RIMKLA: variants seen among roughly 807,000 people sequenced by gnomAD.
The protein encoded by RIMKLA is N-acetylaspartylglutamate synthase A.
A neutral mutation model predicts 32.7 loss-of-function variants in RIMKLA; 14 were observed. That is an observed-to-expected ratio of 0.43 (90% CI 0.28 to 0.67). The LOEUF is 0.67. RIMKLA is among the 30% of genes least tolerant of loss of function. RIMKLA has a pLI of 0.18. For missense variants in RIMKLA, 410 were observed against 519.0 expected (o/e 0.79, Z 2.04); for synonymous variants, 176 against 204.1 (o/e 0.86, Z 1.18).
At chr1:42,391,852 G>A (rs1353467962) in intron 1 of RIMKLA, among the ~76,000 whole-genome samples, 3 of 152,110 alleles carry the variant, frequency 2.0e-5, no homozygotes, top group Non-Finnish European at 2.9e-5. Flanking sequence ...AGGTTCTGGG[G>A]CCCTTCCATT....
At chr1:42,394,558 T>G (rs986802993) in intron 1 of RIMKLA, among the ~76,000 whole-genome samples, 2 of 152,238 alleles carry the variant, frequency 1.3e-5, no homozygotes, top group African/African-American at 2.4e-5. Flanking sequence ...AATTCAAATC[T>G]GAACTACAAG....
At chr1:42,396,616 CTGTT>C (rs1387466761) in intron 1 of RIMKLA, 4 of 152,152 alleles carry the variant, frequency 2.6e-5, no homozygotes, top group Admixed American at 6.5e-5. Flanking sequence ...AGAAGTTTAA[CTGTT>C]TGTCTGTGGT....
Position 42,409,593 on chromosome 1 carries a change from G to C in RIMKLA, c.482-391G>C, listed in dbSNP as rs139156061. Among the ~76,000 whole-genome samples, 1,421 of 152,334 alleles carry C rather than the reference G, an allele frequency of 9.3e-3. 24 individuals carry two copies. The highest frequency in any genetic ancestry group is 0.033 in the African/African-American group (1,366 of 41,570). Reference sequence around the variant, plus strand: ...GTGCATCCAGCCCAGTGTTAGGTCTGAAGAATTTTTTTAAAATGAGTTAGA... The same window carrying C: ...GTGCATCCAGCCCAGTGTTAGGTCTCAAGAATTTTTTTAAAATGAGTTAGA... On this transcript the variant is annotated intron_variant, in intron 3 of 4. Transcript: ENST00000431473.
At chr1:42,398,541 T>C (rs1643066773) in intron 1 of RIMKLA, among the ~76,000 whole-genome samples, 1 of 152,216 alleles carries the variant, frequency 6.6e-6, no homozygotes, top group South Asian at 2.1e-4. Flanking sequence ...GTTAAAATGT[T>C]GGTATATTTC....
chr1:42,411,453 T>C (rs1472287954), intron 4 of RIMKLA, among the ~76,000 whole-genome samples: 1 of 139,644 alleles, frequency 7.2e-6, no homozygotes, highest in African/African-American at 2.6e-5. Context: ...TCTCATTTTC[T>C]TTTTTTTTCT....
chr1:42,396,672 C>T (rs147638120), intron 1 of RIMKLA, among the ~76,000 whole-genome samples: 49 of 152,216 alleles, frequency 3.2e-4, no homozygotes, highest in South Asian at 1.5e-3. Flanking sequence ...TGCTGCTTCT[C>T]GTTTCTCTAG....
At position 42,416,089 on chromosome 1, in the gene RIMKLA, G is replaced by GT. The variant is rs972538264; in HGVS notation, c.*1115_*1116insT. 1 of 58,770 alleles carries GT rather than the reference G, an allele frequency of 1.7e-5. No homozygotes were observed. The highest frequency in any genetic ancestry group is 7.8e-5 in the African/African-American group (1 of 12,820). 3.6% of individuals were successfully genotyped at this position (58,770 alleles called of 1,614,324 possible). On this transcript the variant is annotated 3_prime_UTR_variant, in exon 5 of 5. Coordinates refer to ENST00000431473, the MANE Select transcript of RIMKLA (RefSeq NM_173642.4). Reference sequence around the variant, plus strand: ...GGAATTACCCATTGCACATTTTGCGGGGGGGGGGGCTAATGTAGACATGAC... The same window carrying GT: ...GGAATTACCCATTGCACATTTTGCGGTGGGGGGGGGCTAATGTAGACATGAC...
intron 2 of RIMKLA, among the ~76,000 whole-genome samples, chr1:42,404,193 C>T (rs1344245798): frequency 6.6e-6 from 1 of 152,168 alleles, no homozygotes; most frequent in Non-Finnish European, 1.5e-5. Flanking sequence ...GAGCTTACAC[C>T]AGGGGGCAGA....
chr1:42,384,585 GTGTATATA>G (rs1409058758), intron 1 of RIMKLA, among the ~76,000 whole-genome samples: 21 of 141,314 alleles, frequency 1.5e-4, no homozygotes, highest in African/African-American at 5.1e-4. Flanking sequence ...GTATATATGT[GTGTATATA>G]TGTATATATG....
rs1235968966 is a variant in RIMKLA, at chr1:42,414,721, C to G, written c.923C>G (p.Thr308Ser). 6.2e-7 allele frequency: 1 copy of G among 1,614,068 alleles called. No individual in the cohort carries two copies. Among genetic ancestry groups the G allele is most frequent in the African/African-American group, 1.3e-5 (1 of 74,914 alleles). The change falls in exon 5 of 5, where the codon ACT becomes AGT. Residue 308 changes from threonine (T) to serine (S), a missense_variant. Coordinates refer to ENST00000431473, the MANE Select transcript of RIMKLA (RefSeq NM_173642.4). ...ATGTCCTTGCTGCCAAATAGGCAGA[C>G]TGGAAAGATGGCTGTCCTCCCAGGA... ...YTMSLLPNRQTGKMAVLPGLS... is the reference protein window; with the variant it reads ...YTMSLLPNRQSGKMAVLPGLS...
At chr1:42,382,068 G>T (rs1642894084) in intron 1 of RIMKLA, among the ~76,000 whole-genome samples, 1 of 152,166 alleles carries the variant, frequency 6.6e-6, no homozygotes, top group East Asian at 1.9e-4. Flanking sequence ...TTTGGCAGGG[G>T]AAGGAATTTC....
At position 42,419,461 on chromosome 1, in the gene RIMKLA, TCTTA is replaced by T. The variant is rs763277495; in HGVS notation, c.*4492_*4495del. The T allele has an allele frequency of 6.6e-5, 10 of 152,340 alleles. No homozygotes were observed. In the East Asian group the frequency reaches 1.5e-3, roughly 24 times the overall value. The allele number at this position is 152,340 out of a possible 1,614,324, so 9.4% of individuals were successfully genotyped here. A position where few individuals can be genotyped will look rare whatever the true frequency, so the allele number is the denominator to read the frequency against. ...AGTCCCCCATTTCATAAGTAGGGAA[TCTTA>T]CTTAGTTCCAGAGGCCATGTTCACT... On this transcript the variant is annotated 3_prime_UTR_variant, in exon 5 of 5. Transcript: ENST00000431473.
chr1:42,402,802 G>A (rs1643111913), intron 2 of RIMKLA, among the ~76,000 whole-genome samples: 2 of 152,044 alleles, frequency 1.3e-5, no homozygotes, highest in African/African-American at 4.8e-5. Flanking sequence ...CGTTGCCCAG[G>A]CTGGTCTCAA....
Position 42,421,712 on chromosome 1 carries a change from A to G in RIMKLA, c.*6738A>G, listed in dbSNP as rs1454789107. 6.6e-6 allele frequency: 1 copy of G among 152,204 alleles called. No homozygotes were observed. Among genetic ancestry groups the G allele is most frequent in the African/African-American group, 2.4e-5 (1 of 41,436 alleles). 9.4% of individuals were successfully genotyped at this position (152,204 alleles called of 1,614,324 possible). On this transcript the variant is annotated 3_prime_UTR_variant, in exon 5 of 5. Coordinates refer to ENST00000431473, the MANE Select transcript of RIMKLA (RefSeq NM_173642.4). This position sits in a 1 kb window ranked among gnomAD's most constrained non-coding sequence, Gnocchi z 4.6. ...CCGAAGTGGTTTGCACTGGCCCATG[A>G]GAGTGGATTGTTGAATTTCCAGGAA...
At chr1:42,401,271 C>T (rs890882162) in intron 2 of RIMKLA, among the ~76,000 whole-genome samples, 13 of 152,108 alleles carry the variant, frequency 8.5e-5, no homozygotes, top group African/African-American at 2.7e-4. Context: ...CCTGATGTGC[C>T]GCCCGGTTCC....
rs1040663547 is a variant in RIMKLA at position 42,399,424 on chromosome 1, G to A, written c.184G>A (p.Ala62Thr). 6.2e-7 allele frequency: 1 copy of A among 1,611,124 alleles called. No homozygotes were observed. Among genetic ancestry groups the A allele is most frequent in the African/African-American group, 1.3e-5 (1 of 74,892 alleles). Residue 62 changes from alanine to threonine, a missense_variant, in exon 2 of 5, where the codon GCC (alanine) becomes ACC (threonine). By Grantham distance (58) the Ala-to-Thr change is moderately conservative. Coordinates refer to ENST00000431473, the MANE Select transcript of RIMKLA (RefSeq NM_173642.4). Reference sequence around the variant, plus strand: ...TGCAGGCCTCCAGCTAAACCAGAAGGCCCTCACCACTTTCCCGGATGTGGT... The same window carrying A: ...TGCAGGCCTCCAGCTAAACCAGAAGACCCTCACCACTTTCCCGGATGTGGT... ...GHLGLQLNQK[A>T]LTTFPDVVLV...
chr1:42,420,327 T>G lies in RIMKLA; in HGVS notation c.*5353T>G, dbSNP rs1643284857. ...CAAAATTCAAGCGAGTGAGTGTGTG[T>G]GCCTGCGTGTGTCTCAGTGACGTGG... On this transcript the variant is annotated 3_prime_UTR_variant, in exon 5 of 5. Coordinates refer to ENST00000431473, the MANE Select transcript of RIMKLA (RefSeq NM_173642.4). 1 of 152,232 alleles carries G rather than the reference T, an allele frequency of 6.6e-6. No individual in the cohort carries two copies. 9.4% of individuals were successfully genotyped at this position (152,232 alleles called of 1,614,324 possible). A position where few individuals can be genotyped will look rare whatever the true frequency, so the allele number is the denominator to read the frequency against.
chr1:42,393,788 TTTA>T (rs781259938), intron 1 of RIMKLA, among the ~76,000 whole-genome samples: 14 of 152,022 alleles, frequency 9.2e-5, no homozygotes, highest in Non-Finnish European at 1.8e-4. Flanking sequence ...CTTTTATTTT[TTTA>T]TTTATTTTTG....
chr1:42,404,788 C>G (rs556404974), intron 3 of RIMKLA, among the ~76,000 whole-genome samples, 191 bp downstream of exon 3: 2 of 152,348 alleles, frequency 1.3e-5, no homozygotes, highest in Non-Finnish European at 2.9e-5. Flanking sequence ...TGAACTATTG[C>G]AATCAACTCC....
Sources: gnomAD v4.1 joint callset for allele counts (sites outside exome capture counted in the v4.1 genomes callset) on GRCh38, gnomAD v4.1.1 for gene constraint, Gnocchi (gnomAD v3.1) non-coding constraint, MANE v1.5 for transcripts, NCBI Gene and HGNC (gene_info 2026-07-23, HGNC 2026-07-21) for gene names.